Variants in PTDSS2 observed in about 807,000 individuals in gnomAD.
The protein encoded by PTDSS2 is PSS-2.
In PTDSS2, 41 loss-of-function variants were observed where a neutral mutation model predicts 64.7. The observed-to-expected ratio is 0.63, with a 90% CI of 0.49 to 0.82. The LOEUF (loss-of-function observed/expected upper bound fraction) is 0.82. PTDSS2 is among the 40% of genes least tolerant of loss of function. The probability of loss-of-function intolerance (pLI) is 0.00; values close to 1 mark genes in which losing one functional copy is unlikely to be tolerated. For missense variants in PTDSS2, 485 were observed against 650.0 expected (o/e 0.75, Z 2.76); for synonymous variants, 297 against 277.8 (o/e 1.07, Z -0.69).
intron 1 of PTDSS2, among the ~76,000 whole-genome samples, chr11:453,690 C>T (rs930609481): frequency 6.6e-6 from 1 of 152,234 alleles, no homozygotes; most frequent in African/African-American, 2.4e-5. Context: ...GGCCAGTGCC[C>T]GGTCCAGGAG....
chr11:488,972 T>C (rs1848536386), intron 8 of PTDSS2, among the ~76,000 whole-genome samples: 1 of 152,246 alleles, frequency 6.6e-6, no homozygotes, highest in Admixed American at 6.5e-5. Flanking sequence ...TTTGTCATTA[T>C]GACTTTGGAA....
At position 460,293 on chromosome 11, in the gene PTDSS2, G is replaced by T. The variant is rs1219702497; in HGVS notation, c.284+5G>T. 6.2e-7 allele frequency: 1 copy of T among 1,612,380 alleles called. No individual in the cohort carries two copies. The highest frequency in any genetic ancestry group is 8.5e-7 in the Non-Finnish European group (1 of 1,178,458). On this transcript the variant is annotated splice_donor_5th_base_variant and intron_variant, in intron 2 of 11. Coordinates refer to ENST00000308020, the MANE Select transcript of PTDSS2 (RefSeq NM_030783.3). This position sits in a 1 kb window ranked among gnomAD's most constrained non-coding sequence, Gnocchi z 5.8. ...CACGGCCTACAACACCAAGAGGTAA[G>T]CTGCCCTCTTGTCCTGCCTTCTGAA...
At chr11:486,292 G>A (rs999661682) in intron 4 of PTDSS2, among the ~76,000 whole-genome samples, 1 of 152,092 alleles carries the variant, frequency 6.6e-6, no homozygotes, top group Non-Finnish European at 1.5e-5. Context: ...CGCATGCGGG[G>A]AGGGGTCGGG....
chr11:477,448 T>C (rs1847857401), intron 3 of PTDSS2, among the ~76,000 whole-genome samples: 1 of 152,076 alleles, frequency 6.6e-6, no homozygotes, highest in Non-Finnish European at 1.5e-5. Flanking sequence ...CTGGAGCTGC[T>C]CCGGGAAGCG....
chr11:482,245 CGG>C (rs1281538013), intron 4 of PTDSS2, among the ~76,000 whole-genome samples: 1 of 119,402 alleles, frequency 8.4e-6, no homozygotes, highest in African/African-American at 3.5e-5. Context: ...TTTTTTGAGA[CGG>C]AGTCTTGCTC....
Position 479,253 on chromosome 11 carries a change from G to A in PTDSS2, c.435+101G>A. The A allele has an allele frequency of 1.0e-6, 1 of 1,004,712 alleles. No homozygotes were observed. The highest frequency in any genetic ancestry group is 1.6e-6 in the Non-Finnish European group (1 of 625,334). 62.2% of individuals were successfully genotyped at this position (1,004,712 alleles called of 1,614,324 possible). A position where few individuals can be genotyped will look rare whatever the true frequency, so the allele number is the denominator to read the frequency against. On this transcript the variant is annotated intron_variant, in intron 4 of 11. Transcript: ENST00000308020. This position sits in a 1 kb window ranked among gnomAD's most constrained non-coding sequence, Gnocchi z 4.2. Reference sequence around the variant, plus strand: ...CTTGCCCACACAGCCCTCGAGTGATGGGAGGAAGCAGGGCTAGACCCCCAC... The same window carrying A: ...CTTGCCCACACAGCCCTCGAGTGATAGGAGGAAGCAGGGCTAGACCCCCAC...
intron 3 of PTDSS2, among the ~76,000 whole-genome samples, chr11:474,974 T>G (rs1847669415): frequency 6.6e-6 from 1 of 151,890 alleles, no homozygotes; most frequent in Non-Finnish European, 1.5e-5. Context: ...ATGGACATGT[T>G]CACGCGTTTG....
At chr11:451,461 T>G (rs981265165) in intron 1 of PTDSS2, 2 of 433,408 alleles carry the variant, frequency 4.6e-6, no homozygotes, top group Admixed American at 4.9e-5. Flanking sequence ...GCAGGCTTCG[T>G]GAGAGGAGGG....
At chr11:481,157 C>T (rs975053448) in intron 4 of PTDSS2, among the ~76,000 whole-genome samples, 3 of 151,992 alleles carry the variant, frequency 2.0e-5, no homozygotes, top group Non-Finnish European at 2.9e-5. Flanking sequence ...CCACCACGCG[C>T]GGCCTGGGCT....
At chr11:459,786 A>G (rs546609329) in intron 1 of PTDSS2, 332 of 199,444 alleles carry the variant, frequency 1.7e-3, no homozygotes, top group Non-Finnish European at 2.8e-3. Context: ...GCTGCACTGA[A>G]TCTCAGATGT....
chr11:487,252 C>T (rs1162383318), intron 5 of PTDSS2, 168 bp from the exon 6 acceptor site: 1 of 929,412 alleles, frequency 1.1e-6, no homozygotes. Context: ...GGCCCCTGCT[C>T]TCTAGGCTGT....
At chr11:485,311 G>A (rs1374766492) in intron 4 of PTDSS2, among the ~76,000 whole-genome samples, 6 of 143,634 alleles carry the variant, frequency 4.2e-5, no homozygotes, top group Admixed American at 6.9e-5. Flanking sequence ...CACTGTGTGC[G>A]CAGGCGAGTG....
chr11:478,070 G>A (rs1015325458), intron 3 of PTDSS2, among the ~76,000 whole-genome samples: 7 of 152,274 alleles, frequency 4.6e-5, no homozygotes, highest in East Asian at 1.9e-4. Context: ...TGAGCTGCTC[G>A]GAGCCGTGGG....
At chr11:458,267 C>T (rs549121407) in intron 1 of PTDSS2, among the ~76,000 whole-genome samples, 10 of 150,926 alleles carry the variant, frequency 6.6e-5, no homozygotes, top group East Asian at 3.9e-4. Flanking sequence ...TGCAGTGGCG[C>T]GATCTCGGCT....
At chr11:455,351 C>T in intron 1 of PTDSS2, among the ~76,000 whole-genome samples, 1 of 152,122 alleles carries the variant, frequency 6.6e-6, no homozygotes, top group African/African-American at 2.4e-5. Flanking sequence ...CCTGTGGAGG[C>T]CCTGTTAGCT....
chr11:467,584 C>T (rs1372269110), intron 2 of PTDSS2, among the ~76,000 whole-genome samples: 3 of 151,854 alleles, frequency 2.0e-5, no homozygotes, highest in African/African-American at 4.8e-5. Flanking sequence ...AGTGAAACCC[C>T]GTCTCTACTA....
intron 4 of PTDSS2, 84 bp from the exon 5 acceptor site, chr11:486,855 T>A (rs55961417): frequency 0.29 from 414,512 of 1,453,096 alleles, 46,955 homozygotes; most frequent in African/African-American, 0.39. Flanking sequence ...CTCAAAAAAA[T>A]AAAATAAATA....
At chr11:457,759 TTGAC>T (rs1846666493) in intron 1 of PTDSS2, among the ~76,000 whole-genome samples, 1 of 152,200 alleles carries the variant, frequency 6.6e-6, no homozygotes, top group Non-Finnish European at 1.5e-5. Context: ...GAGTGTGTCT[TTGAC>T]TGGACCTGTG....
intron 2 of PTDSS2, among the ~76,000 whole-genome samples, chr11:468,232 C>T (rs932204731): frequency 1.3e-5 from 2 of 152,304 alleles, no homozygotes; most frequent in Admixed American, 1.3e-4. Flanking sequence ...TTGAGAAGGC[C>T]GCGCACTGTG....
Sources: allele counts gnomAD v4.1 joint callset (sites outside exome capture counted in the v4.1 genomes callset), GRCh38; gene constraint gnomAD v4.1.1; non-coding constraint Gnocchi (gnomAD v3.1); transcripts MANE v1.5; gene names NCBI Gene and HGNC (gene_info 2026-07-23, HGNC 2026-07-21).